CREB5: variants seen among roughly 807,000 people sequenced by gnomAD.
The protein encoded by CREB5 is cyclic AMP-responsive element-binding protein 5.
In CREB5, 19 loss-of-function variants were observed where a neutral mutation model predicts 57.1. The observed-to-expected ratio is 0.33, with a 90% confidence interval of 0.23 to 0.49. CREB5 has a LOEUF of 0.49. Ranked by LOEUF, CREB5 falls within the 20% of genes least tolerant of loss-of-function variation. The pLI, the probability that CREB5 is intolerant of heterozygous loss-of-function variation, is 0.99. For synonymous variants in CREB5, 238 were observed against 238.3 expected, an observed-to-expected ratio of 1.00 and a Z score of 0.01; for missense variants, 579 against 671.6, an observed-to-expected ratio of 0.86 and a Z score of 1.52.
chr7:28,704,704 G>A (rs765710739), intron 5 of CREB5, among the ~76,000 whole-genome samples: 4 of 152,128 alleles, frequency 2.6e-5, no homozygotes, highest in Non-Finnish European at 5.9e-5. Flanking sequence ...AGATCCTCCC[G>A]CCTCAGCCTC....
intron 5 of CREB5, among the ~76,000 whole-genome samples, chr7:28,694,628 C>G (rs1286072893): frequency 6.6e-6 from 1 of 152,178 alleles, no homozygotes; most frequent in African/African-American, 2.4e-5. Context: ...ACTGCAGCCT[C>G]GAACTCTTGG....
upstream of CREB5, chr7:28,410,354 C>T (rs771203036): frequency 4.4e-6 from 2 of 456,724 alleles, no homozygotes; most frequent in South Asian, 3.1e-5. Context: ...GCTTTGGCGG[C>T]GCCCAGGCAA....
intron 1 of CREB5, among the ~76,000 whole-genome samples, chr7:28,379,309 A>G (rs1486829936): frequency 1.3e-5 from 2 of 152,178 alleles, no homozygotes; most frequent in Non-Finnish European, 2.9e-5. Flanking sequence ...ATATGTTCTA[A>G]CCACCAATTT....
At chr7:28,594,683 A>G (rs1360821911) in intron 5 of CREB5, among the ~76,000 whole-genome samples, 1 of 152,204 alleles carries the variant, frequency 6.6e-6, no homozygotes, top group African/African-American at 2.4e-5. Context: ...GAGCAAGGCA[A>G]AATAGAATGC....
intron 1 of CREB5, among the ~76,000 whole-genome samples, chr7:28,335,548 G>C (rs1785807835): frequency 6.6e-6 from 1 of 151,790 alleles, no homozygotes; most frequent in Non-Finnish European, 1.5e-5. Context: ...CATTGATTTT[G>C]TATCCTGCAA....
At chr7:28,495,799 T>C (rs1458696784) in intron 3 of CREB5, among the ~76,000 whole-genome samples, 2 of 152,240 alleles carry the variant, frequency 1.3e-5, no homozygotes, top group Non-Finnish European at 2.9e-5. Flanking sequence ...TGGATTGAGA[T>C]GGTCAGTGAA....
At chr7:28,524,385 A>T (rs1444743951) in intron 4 of CREB5, among the ~76,000 whole-genome samples, 2 of 150,646 alleles carry the variant, frequency 1.3e-5, no homozygotes, top group Non-Finnish European at 3.0e-5. Context: ...CACACATCTA[A>T]TCCCACCTAA....
At chr7:28,418,165 T>A (rs1788096810) in intron 1 of CREB5, among the ~76,000 whole-genome samples, 1 of 152,218 alleles carries the variant, frequency 6.6e-6, no homozygotes, top group African/African-American at 2.4e-5. Flanking sequence ...ACTTGTGTTA[T>A]TGCCTAGACC....
At chr7:28,409,918 C>T (rs1282063802), upstream of CREB5, 4 of 454,462 alleles carry the variant, frequency 8.8e-6, no homozygotes, top group Non-Finnish European at 1.8e-5. The surrounding 1 kb of genome is among the most constrained non-coding windows in gnomAD (Gnocchi z 4.4). Context: ...GTGCGGAGCC[C>T]TCCAGAAGTG....
chr7:28,799,081 A>G (rs907988557), intron 7 of CREB5, among the ~76,000 whole-genome samples: 3 of 152,252 alleles, frequency 2.0e-5, no homozygotes, highest in African/African-American at 7.2e-5. Context: ...GGGACGCAGT[A>G]GGTTCCTTAG....
intron 4 of CREB5, among the ~76,000 whole-genome samples, chr7:28,522,091 T>C (rs1014757818): frequency 1.3e-5 from 2 of 152,212 alleles, no homozygotes; most frequent in African/African-American, 4.8e-5. Context: ...TCCTAGAAGA[T>C]AGATGTTTTT....
intron 6 of CREB5, among the ~76,000 whole-genome samples, chr7:28,720,529 C>T (rs1056980911): frequency 6.6e-6 from 1 of 152,150 alleles, no homozygotes; most frequent in Non-Finnish European, 1.5e-5. Context: ...GCAATTTGCT[C>T]ATTTATCTAA....
intron 5 of CREB5, among the ~76,000 whole-genome samples, chr7:28,581,279 A>G (rs1796113429): frequency 6.6e-6 from 1 of 152,198 alleles, no homozygotes; most frequent in Non-Finnish European, 1.5e-5. Flanking sequence ...TATCATTTTG[A>G]AATAACTGTG....
chr7:28,754,863 C>G (rs1221717498), intron 7 of CREB5, among the ~76,000 whole-genome samples: 1 of 152,148 alleles, frequency 6.6e-6, no homozygotes, highest in Non-Finnish European at 1.5e-5. Context: ...GGTACTACGC[C>G]TTTGCTTGTA....
At chr7:28,473,229 A>G (rs1300969529) in intron 1 of CREB5, among the ~76,000 whole-genome samples, 3 of 152,124 alleles carry the variant, frequency 2.0e-5, no homozygotes, top group Non-Finnish European at 4.4e-5. Flanking sequence ...GGCTGAGGTG[A>G]GAAGATCGTT....
intron 1 of CREB5, among the ~76,000 whole-genome samples, chr7:28,459,609 G>T (rs1173700054): frequency 1.3e-5 from 2 of 152,122 alleles, no homozygotes; most frequent in African/African-American, 2.4e-5. Flanking sequence ...TCAGCCCGAG[G>T]CAGATGGCAG....
At chr7:28,595,927 G>A (rs1796678209) in intron 5 of CREB5, among the ~76,000 whole-genome samples, 1 of 152,118 alleles carries the variant, frequency 6.6e-6, no homozygotes, top group Non-Finnish European at 1.5e-5. Flanking sequence ...GCCTCCCTCT[G>A]GTGTGGTGTT....
intron 3 of CREB5, among the ~76,000 whole-genome samples, chr7:28,504,723 C>T (rs1792409429): frequency 1.3e-5 from 2 of 152,146 alleles, no homozygotes; most frequent in South Asian, 2.1e-4. Flanking sequence ...AAATAGCACA[C>T]CAGGTTCCCA....
intron 1 of CREB5, among the ~76,000 whole-genome samples, chr7:28,363,516 C>T (rs1786530049): frequency 6.6e-6 from 1 of 151,924 alleles, no homozygotes; most frequent in Non-Finnish European, 1.5e-5. Flanking sequence ...TGTAGTCTTT[C>T]CTGATCTTCT....
Sources: gnomAD v4.1 joint callset for allele counts (sites outside exome capture counted in the v4.1 genomes callset) on GRCh38, gnomAD v4.1.1 for gene constraint, Gnocchi (gnomAD v3.1) non-coding constraint, MANE v1.5 for transcripts, NCBI Gene and HGNC (gene_info 2026-07-23, HGNC 2026-07-21) for gene names.